CAMTA1: variants seen among roughly 807,000 people sequenced by gnomAD.
CAMTA1 encodes calmodulin-binding transcription activator 1.
A neutral mutation model predicts 170.9 loss-of-function variants in CAMTA1; 27 were observed. That is an observed-to-expected ratio of 0.16 (90% CI 0.12 to 0.22). CAMTA1 has a LOEUF of 0.22. Ranked by LOEUF, CAMTA1 falls within the 10% of genes least tolerant of loss-of-function variation. CAMTA1 has a pLI of 1.00. For synonymous variants in CAMTA1, 833 were observed against 891.5 expected, an observed-to-expected ratio of 0.93 and a Z score of 1.17; for missense variants, 1,619 against 2,217.2, an observed-to-expected ratio of 0.73 and a Z score of 5.42.
rs561423662 is a variant in CAMTA1 at position 7,621,871 on chromosome 1, A to T, written c.511-18529A>T. ...GGTTTGTTGCAAAATTCCTGGCACC[A>T]GCTCAGCTCGGCCACGTCTCGGCTC... On this transcript the variant is annotated intron_variant, in intron 6 of 22. Transcript: ENST00000303635. Among the ~76,000 whole-genome samples, 8 of 152,324 alleles carry T rather than the reference A, an allele frequency of 5.3e-5. No homozygotes were observed. The South Asian group carries it at 1.7e-3, about 32-fold the overall frequency.
At chr1:7,729,787 C>T (rs946138503) in intron 11 of CAMTA1, among the ~76,000 whole-genome samples, 21 of 152,190 alleles carry the variant, frequency 1.4e-4, no homozygotes, top group African/African-American at 5.1e-4. Context: ...TGCACAGTGA[C>T]GCAGTGGTGC....
At chr1:7,520,835 AGG>A (rs2094356195) in intron 6 of CAMTA1, among the ~76,000 whole-genome samples, 1 of 152,174 alleles carries the variant, frequency 6.6e-6, no homozygotes. Context: ...CTCATTCCCC[AGG>A]TATCCATAGA....
chr1:7,128,774 C>T (rs1192819570), intron 4 of CAMTA1, among the ~76,000 whole-genome samples: 1 of 151,470 alleles, frequency 6.6e-6, no homozygotes, highest in Non-Finnish European at 1.5e-5. Context: ...CCTGCCTCAG[C>T]CTCCCAAGTA....
intron 6 of CAMTA1, among the ~76,000 whole-genome samples, chr1:7,537,556 C>T (rs1030372109): frequency 5.9e-5 from 9 of 152,216 alleles, no homozygotes; most frequent in Admixed American, 1.3e-4. Context: ...GCTGAGCCCA[C>T]GAGGCTGCCA....
intron 5 of CAMTA1, among the ~76,000 whole-genome samples, chr1:7,416,232 T>C (rs1439360977): frequency 6.6e-6 from 1 of 152,098 alleles, no homozygotes; most frequent in Non-Finnish European, 1.5e-5. Context: ...CTGACAATTA[T>C]GTGTCTTGGA....
chr1:7,738,373 C>G lies in CAMTA1; in HGVS notation c.4073C>G (p.Pro1358Arg), dbSNP rs757801454. 1 of 1,614,134 alleles carries G rather than the reference C, an allele frequency of 6.2e-7. No individual in the cohort carries two copies. Among genetic ancestry groups the G allele is most frequent in the Admixed American group, 1.7e-5 (1 of 60,028 alleles). ...CCTTCACAGGTGCGTCCACGGGAAC[C>G]AATGAGTGTCCTGATGATGGCTAAC... ...AAPSQVRPRE[P>R]MSVLMMANRE... Residue 1358 changes from proline to arginine, a missense_variant, in exon 16 of 23, where the codon CCA becomes CGA. By Grantham distance (103) the Pro-to-Arg change is moderately radical. This residue lies in a region of CAMTA1 where 370 missense variants were observed against 429.4 expected (regional missense o/e 0.86). Coordinates refer to ENST00000303635, the MANE Select transcript of CAMTA1 (RefSeq NM_015215.4). The surrounding 1 kb of genome is among the most constrained non-coding windows in gnomAD (Gnocchi z 4.9).
chr1:6,908,140 A>G (rs944178734), intron 3 of CAMTA1, among the ~76,000 whole-genome samples: 16 of 152,088 alleles, frequency 1.1e-4, no homozygotes, highest in African/African-American at 3.9e-4. Context: ...GTCACCCTTT[A>G]TGAAGAAGAC....
chr1:7,010,488 A>AT lies in CAMTA1; in HGVS notation c.235-80810dup, dbSNP rs1699630427. On this transcript the variant is annotated intron_variant, in intron 3 of 22. Coordinates refer to ENST00000303635, the MANE Select transcript of CAMTA1 (RefSeq NM_015215.4). This position sits in a 1 kb window ranked among gnomAD's most constrained non-coding sequence, Gnocchi z 4.4. ...CTGAACACAGTCTGCGTCCTTCCTT[A>AT]TTTTTTGTTATCTTGGCTGTTTGAC... 6.6e-6 allele frequency among the ~76,000 whole-genome samples: 1 copy of AT among 152,078 alleles called. No individual in the cohort carries two copies. Among genetic ancestry groups the AT allele is most frequent in the South Asian group, 2.1e-4 (1 of 4,812 alleles).
At chr1:6,809,149 C>A (rs929625403) in intron 1 of CAMTA1, among the ~76,000 whole-genome samples, 1 of 151,852 alleles carries the variant, frequency 6.6e-6, no homozygotes, top group Non-Finnish European at 1.5e-5. Flanking sequence ...GCCTCAGCCT[C>A]CCGAGTAGCT....
rs1572086407 is a variant in CAMTA1, at chr1:6,965,494, T to C, written c.235-125810T>C. Reference sequence around the variant, plus strand: ...GGTAAATGTGGTTTATTAGCCCCCCTGGCTCAGAGGGGGCTGGGCACTGGT... The same window carrying C: ...GGTAAATGTGGTTTATTAGCCCCCCCGGCTCAGAGGGGGCTGGGCACTGGT... On this transcript the variant is annotated intron_variant, in intron 3 of 22. Transcript: ENST00000303635. This position sits in a 1 kb window ranked among gnomAD's most constrained non-coding sequence, Gnocchi z 4.1. Among the ~76,000 whole-genome samples the C allele has an allele frequency of 6.6e-6, 1 of 152,116 alleles. No homozygotes were observed. The highest frequency in any genetic ancestry group is 2.1e-4 in the South Asian group (1 of 4,820).
intron 3 of CAMTA1, among the ~76,000 whole-genome samples, chr1:6,990,805 C>CTATA (rs138700231): frequency 1.2e-4 from 17 of 141,584 alleles, no homozygotes; most frequent in Admixed American, 2.8e-4. Context: ...CTCTCTCTCT[C>CTATA]TATATATATA....
chr1:7,196,113 CG>C (rs1427712298), intron 4 of CAMTA1, among the ~76,000 whole-genome samples: 1 of 152,140 alleles, frequency 6.6e-6, no homozygotes, highest in Non-Finnish European at 1.5e-5. Flanking sequence ...GATTGAATCA[CG>C]GGTCAGGTTT....
chr1:7,167,059 C>A (rs535673401), intron 4 of CAMTA1, among the ~76,000 whole-genome samples: 17 of 152,232 alleles, frequency 1.1e-4, no homozygotes, highest in African/African-American at 4.1e-4. Flanking sequence ...GATCCACCTG[C>A]CTCGGCCTCC....
At chr1:7,371,935 A>G (rs1400968793) in intron 5 of CAMTA1, among the ~76,000 whole-genome samples, 2 of 152,196 alleles carry the variant, frequency 1.3e-5, no homozygotes, top group Non-Finnish European at 2.9e-5. Context: ...GCATCATCTC[A>G]GATCACACAA....
chr1:6,950,710 C>G (rs1034627380), intron 3 of CAMTA1, among the ~76,000 whole-genome samples: 1 of 151,250 alleles, frequency 6.6e-6, no homozygotes, highest in African/African-American at 2.5e-5. Flanking sequence ...TCCCATGCAC[C>G]CCCACCCCCC....
intron 3 of CAMTA1, among the ~76,000 whole-genome samples, chr1:7,016,212 C>T (rs554825337): frequency 2.6e-5 from 4 of 152,248 alleles, no homozygotes; most frequent in African/African-American, 4.8e-5. Context: ...GCCTGACACC[C>T]GTGAGAGCCG....
In CAMTA1 at chr1:7,766,365, T is replaced by C; in HGVS notation, c.4990-94T>C. On this transcript the variant is annotated intron_variant, in intron 22 of 22. Transcript: ENST00000303635. ...TCAAAACGGTTTTAGTCTTGGCTTTTCAGTTCAGAGGGAGTGGTAATACCC... is the reference window on the plus strand; with the variant it reads ...TCAAAACGGTTTTAGTCTTGGCTTTCCAGTTCAGAGGGAGTGGTAATACCC... 6 of 1,157,164 alleles carry C rather than the reference T, an allele frequency of 5.2e-6. No individual in the cohort carries two copies. In the South Asian group the frequency reaches 7.0e-5, roughly 13 times the overall value. The allele number at this position is 1,157,164 out of a possible 1,614,324, so 71.7% of individuals were successfully genotyped here. A position where few individuals can be genotyped will look rare whatever the true frequency, so the allele number is the denominator to read the frequency against.
chr1:7,315,532 A>G lies in CAMTA1; in HGVS notation c.438+65906A>G, dbSNP rs75740392. On this transcript the variant is annotated intron_variant, in intron 5 of 22. Transcript: ENST00000303635. Reference sequence around the variant, plus strand: ...ACTTATTGGCTGGGTCAACATGGACAACTCTTTAAACTTTCCTGAGCCTCA... The same window carrying G: ...ACTTATTGGCTGGGTCAACATGGACGACTCTTTAAACTTTCCTGAGCCTCA... 8.9e-3 allele frequency among the ~76,000 whole-genome samples: 1,360 copies of G among 152,288 alleles called. 15 individuals are homozygous for G. The highest frequency in any genetic ancestry group is 0.011 in the Non-Finnish European group (776 of 68,026).
chr1:7,486,630 T>A (rs2093621485), intron 6 of CAMTA1, among the ~76,000 whole-genome samples: 1 of 152,218 alleles, frequency 6.6e-6, no homozygotes, highest in Non-Finnish European at 1.5e-5. Context: ...TTGCTACAGC[T>A]CAGCTCCTCC....
Sources: gnomAD v4.1 joint callset for allele counts (sites outside exome capture counted in the v4.1 genomes callset) on GRCh38, gnomAD v4.1.1 for gene constraint, gnomAD v4.1.1 regional missense constraint, Gnocchi (gnomAD v3.1) non-coding constraint, MANE v1.5 for transcripts, NCBI Gene and HGNC (gene_info 2026-07-23, HGNC 2026-07-21) for gene names.